Variants in TDO2 observed in about 807,000 individuals in gnomAD.
The protein encoded by TDO2 is tryptophan 2,3-dioxygenase, also known as tryptamin 2,3-dioxygenase.
Under a neutral mutation model 61.2 loss-of-function variants are expected in TDO2, and 63 were observed. That is an observed-to-expected ratio of 1.03 (90% CI 0.84 to 1.27). The LOEUF (loss-of-function observed/expected upper bound fraction) is 1.27. Among genes scored for constraint, TDO2 ranks in the 50% most tolerant of loss-of-function variants. TDO2 has a pLI of 0.00. For synonymous variants in TDO2, 183 were observed against 164.0 expected (o/e 1.12, Z -0.89); for missense variants, 494 against 469.5 (o/e 1.05, Z -0.48).
At chr4:155,915,645 T>C (rs1262351188) in intron 8 of TDO2, among the ~76,000 whole-genome samples, 3 of 152,176 alleles carry the variant, frequency 2.0e-5, no homozygotes, top group Non-Finnish European at 4.4e-5. Flanking sequence ...ATATGTACAT[T>C]TTTAGTTTGT....
chr4:155,910,037 T>G lies in TDO2; in HGVS notation c.444T>G (p.Ser148=), dbSNP rs1364660297. 6.4e-7 allele frequency: 1 copy of G among 1,564,386 alleles called. No individual in the cohort carries two copies. Among genetic ancestry groups the G allele is most frequent in the Non-Finnish European group, 8.6e-7 (1 of 1,162,710 alleles). ...TTTAATCTCAAAGAGAGTACTTATC[T>G]CCAGCATCAGGCTTCCAGAGTTTGC... ...LDFNDFREYL[S]PASGFQSLQF... is the part of the protein sequence containing the mutation. The change falls in exon 6 of 12, where the codon TCT becomes TCG. Residue 148 remains serine (S), a synonymous_variant. Coordinates refer to ENST00000536354, the MANE Select transcript of TDO2 (RefSeq NM_005651.4).
At chr4:155,918,351 C>A in intron 11 of TDO2, 112 bp downstream of exon 11, 2 of 826,452 alleles carry the variant, frequency 2.4e-6, no homozygotes, top group Middle Eastern at 3.2e-4. Flanking sequence ...GTCTGAACTA[C>A]TAACAACACG....
intron 5 of TDO2, among the ~76,000 whole-genome samples, chr4:155,909,637 G>A (rs1005361951): frequency 2.0e-5 from 3 of 152,018 alleles, no homozygotes; most frequent in African/African-American, 7.2e-5. Context: ...GGGAGTGGGA[G>A]TAATAACATT....
At chr4:155,918,318 A>G (rs773103316) in intron 11 of TDO2, 79 bp downstream of exon 11, 92 of 1,351,246 alleles carry the variant, frequency 6.8e-5, no homozygotes, top group Admixed American at 1.3e-4. Flanking sequence ...TGCTATCTAA[A>G]AAAAGCCATT....
intron 7 of TDO2, among the ~76,000 whole-genome samples, chr4:155,913,384 GTTC>G (rs1742872911): frequency 6.6e-6 from 1 of 152,026 alleles, no homozygotes; most frequent in Non-Finnish European, 1.5e-5. Context: ...CCTTTTATGT[GTTC>G]TTCTCTGGGC....
chr4:155,916,697 T>C (rs1354718708), intron 9 of TDO2, among the ~76,000 whole-genome samples: 3 of 152,192 alleles, frequency 2.0e-5, no homozygotes, highest in Non-Finnish European at 4.4e-5. Context: ...TACTCTATTG[T>C]ATGAAGGTCC....
intron 10 of TDO2, 62 bp downstream of exon 10, chr4:155,917,536 T>C: frequency 7.2e-7 from 1 of 1,386,476 alleles, no homozygotes; most frequent in Non-Finnish European, 9.9e-7. Flanking sequence ...CTCTTTATCT[T>C]GGTCTTCTGT....
intron 8 of TDO2, among the ~76,000 whole-genome samples, chr4:155,915,211 C>A (rs1188985624): frequency 1.3e-5 from 2 of 152,128 alleles, no homozygotes; most frequent in African/African-American, 4.8e-5. Flanking sequence ...GCATCCCAAA[C>A]CTTTTTGGAA....
rs1291985502 is a variant in TDO2 at position 155,911,557 on chromosome 4, GA to G, written c.686del (p.Asn229IlefsTer11). 1.3e-6 allele frequency: 2 copies of G among 1,596,032 alleles called. No homozygotes were observed. The highest frequency in any genetic ancestry group is 1.7e-5 in the Admixed American group (1 of 58,408). On this transcript the variant is annotated frameshift_variant, in exon 7 of 12. Coordinates refer to ENST00000536354, the MANE Select transcript of TDO2 (RefSeq NM_005651.4). LOFTEE classifies it high-confidence loss of function. ...TGGATTTAACTTCTGGGGAAAGCTT[GA>G]AAAAAATATCACCAGAGGCCTGGAA... is the stretch of plus-strand genomic sequence containing the variant. The part of the protein sequence containing the change: ...PHGFNFWGKL[E>X]KNITRGLEEE...
At chr4:155,914,607 G>T (rs1742897105) in intron 8 of TDO2, among the ~76,000 whole-genome samples, 173 bp downstream of exon 8, 1 of 152,034 alleles carries the variant, frequency 6.6e-6, no homozygotes, top group Non-Finnish European at 1.5e-5. Context: ...ATTTTAACGG[G>T]TTTCCATGCC....
chr4:155,909,159 A>T, intron 5 of TDO2, 145 bp downstream of exon 5: 1 of 613,712 alleles, frequency 1.6e-6, no homozygotes, highest in Non-Finnish European at 2.4e-6. Flanking sequence ...GTCTTCGATC[A>T]CAAAGCATTT....
At chr4:155,918,123 T>A (rs1468238972) in intron 10 of TDO2, 26 bp from the exon 11 acceptor site, 1 of 1,603,182 alleles carries the variant, frequency 6.2e-7, no homozygotes, top group South Asian at 1.1e-5. Flanking sequence ...AAAATATCCA[T>A]GGAGTAAATT....
chr4:155,914,220 A>G, intron 7 of TDO2, 103 bp from the exon 8 acceptor site: 1 of 750,210 alleles, frequency 1.3e-6, no homozygotes, highest in Non-Finnish European at 2.1e-6. Context: ...TTAAAAGTAC[A>G]TCATTTCTGC....
In TDO2 at chr4:155,910,076, A is replaced by C. The variant is rs1197643226; in HGVS notation, c.483A>C (p.Leu161Phe). Residue 161 changes from leucine (L) to phenylalanine (F), a missense_variant, in exon 6 of 12, where the codon TTA becomes TTC. Leu to Phe is a conservative substitution (Grantham distance 22, BLOSUM62 0). Coordinates refer to ENST00000536354, the MANE Select transcript of TDO2 (RefSeq NM_005651.4). ...SGFQSLQFRL[L>F]ENKIGVLQNM... ...TCCAGAGTTTGCAATTCCGACTATT[A>C]GAAAACAAGATAGGTGTTCTTCAGA... 1.3e-6 allele frequency: 2 copies of C among 1,593,872 alleles called. No homozygotes were observed.
chr4:155,918,750 TAGAG>T (rs1327443224), intron 11 of TDO2: 2 of 153,530 alleles, frequency 1.3e-5, no homozygotes, highest in Non-Finnish European at 2.9e-5. Flanking sequence ...TAAAATATGC[TAGAG>T]AGGTTTCTAA....
intron 10 of TDO2, 41 bp downstream of exon 10, chr4:155,917,515 C>A: frequency 6.6e-7 from 1 of 1,521,904 alleles, no homozygotes; most frequent in Non-Finnish European, 9.0e-7. Flanking sequence ...TCCCCACATG[C>A]TGTTCCTGTG....
intron 5 of TDO2, 131 bp downstream of exon 5, chr4:155,909,145 AG>A: frequency 1.3e-6 from 1 of 768,086 alleles, no homozygotes; most frequent in East Asian, 3.2e-5. Context: ...ATATGGACTT[AG>A]GGGTCTTCGA....
chr4:155,908,966 A>G lies in TDO2; in HGVS notation c.383A>G (p.Gln128Arg). Residue 128 changes from glutamine (Q) to arginine (R), a missense_variant, in exon 5 of 12, where the codon CAG becomes CGG. Transcript: ENST00000536354. ...VSVILKLLVQ[Q>R]FSILETMTAL... is the part of the protein sequence containing the mutation. Reference sequence around the variant, plus strand: ...GTGATCCTGAAACTGCTGGTGCAGCAGTTTTCCATTCTGGAGACGATGACA... The same window carrying G: ...GTGATCCTGAAACTGCTGGTGCAGCGGTTTTCCATTCTGGAGACGATGACA... 1 of 1,613,474 alleles carries G rather than the reference A, an allele frequency of 6.2e-7. No individual in the cohort carries two copies. Among genetic ancestry groups the G allele is most frequent in the Non-Finnish European group, 8.5e-7 (1 of 1,179,788 alleles).
intron 9 of TDO2, among the ~76,000 whole-genome samples, chr4:155,916,791 G>T (rs957176833): frequency 1.4e-4 from 22 of 152,112 alleles, no homozygotes; most frequent in Non-Finnish European, 2.9e-5. Context: ...AGGCCGTCAT[G>T]CTTCTGTGTA....
Sources: allele counts gnomAD v4.1 joint callset (sites outside exome capture counted in the v4.1 genomes callset), GRCh38; gene constraint gnomAD v4.1.1; transcripts MANE v1.5; gene names NCBI Gene and HGNC (gene_info 2026-07-23, HGNC 2026-07-21).